Variants in NRXN3 observed in about 807,000 individuals in gnomAD.
The protein encoded by NRXN3 is neurexin III.
NRXN3 carries 32 observed loss-of-function variants against 137.6 expected under a neutral mutation model. The observed-to-expected ratio is 0.23, with a 90% CI of 0.18 to 0.31. The LOEUF (loss-of-function observed/expected upper bound fraction) is 0.31, where lower values mean the gene tolerates loss of function less well. Among genes scored for constraint, NRXN3 ranks in the 10% least tolerant of loss-of-function variants. The pLI, the probability that NRXN3 is intolerant of heterozygous loss-of-function variation, is 1.00. For missense variants in NRXN3, 1,574 were observed against 2,062.5 expected (o/e 0.76, Z 4.59); for synonymous variants, 798 against 784.5 (o/e 1.02, Z -0.29).
chr14:79,102,165 C>A (rs1568294520), intron 15 of NRXN3, among the ~76,000 whole-genome samples: 1 of 152,068 alleles, frequency 6.6e-6, no homozygotes, highest in Non-Finnish European at 1.5e-5. Context: ...TTTGTTATGG[C>A]AAACCCTAGG....
chr14:79,591,646 C>G (rs1230506205), intron 16 of NRXN3, among the ~76,000 whole-genome samples: 1 of 152,062 alleles, frequency 6.6e-6, no homozygotes, highest in Non-Finnish European at 1.5e-5. Context: ...TCTTTCAGTT[C>G]AATACAATTT....
intron 15 of NRXN3, among the ~76,000 whole-genome samples, chr14:79,073,320 C>G (rs79876329): frequency 0.032 from 4,836 of 152,224 alleles, 109 homozygotes; most frequent in Non-Finnish European, 0.047. Context: ...TTAGAATGCA[C>G]AAAATCTAGA....
intron 15 of NRXN3, among the ~76,000 whole-genome samples, chr14:79,371,645 G>A (rs2094113955): frequency 6.6e-6 from 1 of 151,982 alleles, no homozygotes; most frequent in African/African-American, 2.4e-5. Flanking sequence ...AGTAAAACAG[G>A]GCCCTCACTT....
chr14:79,811,548 A>T (rs985557361), intron 20 of NRXN3, among the ~76,000 whole-genome samples: 1 of 147,696 alleles, frequency 6.8e-6, no homozygotes, highest in South Asian at 2.2e-4. Flanking sequence ...TAACCCACCA[A>T]GTTATTTCAC....
chr14:78,930,117 T>A (rs567919678), intron 10 of NRXN3, among the ~76,000 whole-genome samples: 1 of 152,278 alleles, frequency 6.6e-6, no homozygotes, highest in African/African-American at 2.4e-5. Flanking sequence ...TTTAAACTCT[T>A]TGAGCTTAAC....
chr14:79,130,712 C>G (rs577254437), intron 15 of NRXN3, among the ~76,000 whole-genome samples: 1 of 152,162 alleles, frequency 6.6e-6, no homozygotes, highest in Admixed American at 6.5e-5. Context: ...TTTCCTGAAT[C>G]TGAACGTTGG....
At chr14:79,505,668 C>T (rs1252065470) in intron 16 of NRXN3, among the ~76,000 whole-genome samples, 1 of 152,168 alleles carries the variant, frequency 6.6e-6, no homozygotes, top group African/African-American at 2.4e-5. Context: ...TTAGTTTGGA[C>T]ATGGTCTTTA....
intron 15 of NRXN3, among the ~76,000 whole-genome samples, chr14:79,299,080 G>A (rs2084698059): frequency 6.6e-6 from 1 of 152,188 alleles, no homozygotes; most frequent in African/African-American, 2.4e-5. Context: ...GAGGGCACTG[G>A]AAACAGTGAA....
intron 16 of NRXN3, among the ~76,000 whole-genome samples, chr14:79,485,647 T>C (rs1030482761): frequency 2.0e-5 from 3 of 151,978 alleles, no homozygotes; most frequent in African/African-American, 7.3e-5. Context: ...CTTCCTAAAC[T>C]AGGGAGGTCA....
rs11387026 is a variant in NRXN3 at position 78,824,103 on chromosome 14, C to CTTT, written c.2275+13779_2275+13781dup. The stretch of plus-strand genomic sequence containing the variant: ...CAATAAAGAAATGGGTCACCTGCTT[C>CTTT]TTTTTTTTTTTTTTTTTTTTTTCCA... On this transcript the variant is annotated intron_variant, in intron 10 of 20. Transcript: ENST00000335750. Among the ~76,000 whole-genome samples, 918 of 98,870 alleles carry CTTT rather than the reference C, an allele frequency of 9.3e-3. 18 individuals carry two copies. Among genetic ancestry groups the CTTT allele is most frequent in the East Asian group, 0.013 (35 of 2,664 alleles). The allele number at this position is 98,870 out of a possible 152,430, so 64.9% of individuals were successfully genotyped here.
At chr14:79,147,525 C>T (rs140144323) in intron 15 of NRXN3, among the ~76,000 whole-genome samples, 3 of 152,208 alleles carry the variant, frequency 2.0e-5, no homozygotes, top group African/African-American at 7.2e-5. Context: ...AGCTTCTATA[C>T]TTGAGGAACC....
At chr14:79,388,388 T>G (rs1180583713) in intron 15 of NRXN3, among the ~76,000 whole-genome samples, 1 of 152,140 alleles carries the variant, frequency 6.6e-6, no homozygotes, top group African/African-American at 2.4e-5. Flanking sequence ...CTTTTAAGTA[T>G]ATTTTATATT....
chr14:79,175,428 C>T (rs2062230388), intron 15 of NRXN3, among the ~76,000 whole-genome samples: 3 of 152,160 alleles, frequency 2.0e-5, no homozygotes, highest in African/African-American at 7.2e-5. Flanking sequence ...TGGTTATCAC[C>T]AATCCTTTTC....
At chr14:78,765,071 G>T (rs2098704562) in intron 8 of NRXN3, among the ~76,000 whole-genome samples, 1 of 144,404 alleles carries the variant, frequency 6.9e-6, no homozygotes, top group Non-Finnish European at 1.6e-5. Context: ...TGTATGCTAT[G>T]GTCACCTCTG....
At chr14:78,879,940 G>T (rs1290800977) in intron 10 of NRXN3, among the ~76,000 whole-genome samples, 1 of 152,094 alleles carries the variant, frequency 6.6e-6, no homozygotes, top group African/African-American at 2.4e-5. Flanking sequence ...TCAAATGGGG[G>T]TAATAATATA....
At chr14:79,559,421 C>G (rs1367044301) in intron 16 of NRXN3, among the ~76,000 whole-genome samples, 1 of 151,896 alleles carries the variant, frequency 6.6e-6, no homozygotes, top group Non-Finnish European at 1.5e-5. Flanking sequence ...TAGGGAGACC[C>G]AAGGAAAGGG....
intron 4 of NRXN3, among the ~76,000 whole-genome samples, chr14:78,303,132 A>G (rs1427032972): frequency 1.3e-5 from 2 of 152,162 alleles, no homozygotes; most frequent in Admixed American, 6.5e-5. Context: ...AATACCAAAT[A>G]ACCTCTCTAG....
intron 4 of NRXN3, chr14:78,403,809 GGTT>G (rs1361295483): frequency 9.1e-6 from 9 of 985,308 alleles, no homozygotes; most frequent in Non-Finnish European, 1.1e-5. Context: ...TGCCCCCTGA[GGTT>G]GTGCTTTCTC....
At chr14:78,383,795 T>C (rs2089528691) in intron 4 of NRXN3, among the ~76,000 whole-genome samples, 1 of 152,200 alleles carries the variant, frequency 6.6e-6, no homozygotes, top group Non-Finnish European at 1.5e-5. Context: ...GCCTGATGCA[T>C]AGAAGGTACT....
Sources: gnomAD v4.1 joint callset for allele counts (sites outside exome capture counted in the v4.1 genomes callset) on GRCh38, gnomAD v4.1.1 for gene constraint, MANE v1.5 for transcripts, NCBI Gene and HGNC (gene_info 2026-07-23, HGNC 2026-07-21) for gene names.